Variants in PCDH9 observed in about 807,000 individuals in gnomAD.
PCDH9 encodes the protein protocadherin 9.
Under a neutral mutation model 70.6 loss-of-function variants are expected in PCDH9, and 24 were observed. The ratio of observed to expected loss-of-function variants is 0.34; its 90% CI spans 0.25 to 0.48. The LOEUF (loss-of-function observed/expected upper bound fraction) is 0.48. Among genes scored for constraint, PCDH9 ranks in the 20% least tolerant of loss-of-function variants. The pLI is 0.99. For synonymous variants in PCDH9, 562 were observed against 558.5 expected (o/e 1.01, Z -0.09); for missense variants, 1,281 against 1,503.6 (o/e 0.85, Z 2.45).
chr13:66,526,343 G>A (rs1033079812), intron 4 of PCDH9, among the ~76,000 whole-genome samples: 2 of 152,100 alleles, frequency 1.3e-5, no homozygotes, highest in African/African-American at 4.8e-5. Context: ...TAAGACTATT[G>A]AGTCTTGTGC....
intron 3 of PCDH9, among the ~76,000 whole-genome samples, chr13:66,771,273 G>A (rs1012806933): frequency 6.6e-6 from 1 of 152,056 alleles, no homozygotes; most frequent in Non-Finnish European, 1.5e-5. Flanking sequence ...ATAGTAATTG[G>A]TTTAATTAGC....
At chr13:67,170,534 C>G (rs951175117) in intron 2 of PCDH9, among the ~76,000 whole-genome samples, 1 of 151,828 alleles carries the variant, frequency 6.6e-6, no homozygotes, top group African/African-American at 2.4e-5. Context: ...CTATGAAAGA[C>G]CATCCTATAA....
chr13:66,786,308 T>A (rs2080078826), intron 3 of PCDH9, among the ~76,000 whole-genome samples: 1 of 152,202 alleles, frequency 6.6e-6, no homozygotes, highest in Non-Finnish European at 1.5e-5. Context: ...GGCATTGCCC[T>A]GATGACCACC....
At chr13:66,785,473 A>T (rs752135946) in intron 3 of PCDH9, among the ~76,000 whole-genome samples, 1 of 151,764 alleles carries the variant, frequency 6.6e-6, no homozygotes, top group Non-Finnish European at 1.5e-5. Context: ...TTTAATTTGG[A>T]TTAATAAATT....
At chr13:67,112,212 C>A (rs1354791993) in intron 2 of PCDH9, among the ~76,000 whole-genome samples, 2 of 152,168 alleles carry the variant, frequency 1.3e-5, no homozygotes, top group Non-Finnish European at 2.9e-5. Flanking sequence ...ATCATTATTT[C>A]CTTTATCTCT....
chr13:66,629,520 C>T (rs1419788983), intron 4 of PCDH9, among the ~76,000 whole-genome samples: 1 of 152,212 alleles, frequency 6.6e-6, no homozygotes, highest in East Asian at 1.9e-4. Context: ...TTCAGTGGTG[C>T]TTACACTGGT....
intron 3 of PCDH9, among the ~76,000 whole-genome samples, chr13:66,852,335 TA>T (rs2081327652): frequency 6.6e-6 from 1 of 152,136 alleles, no homozygotes; most frequent in Non-Finnish European, 1.5e-5. Context: ...AAAGACTCAT[TA>T]ATCATTTTCC....
intron 4 of PCDH9, among the ~76,000 whole-genome samples, chr13:66,523,518 C>T (rs1408616083): frequency 3.3e-5 from 5 of 151,760 alleles, no homozygotes; most frequent in African/African-American, 7.3e-5. Flanking sequence ...TTTTGCCAAA[C>T]GAAGATTCAG....
intron 4 of PCDH9, among the ~76,000 whole-genome samples, chr13:66,379,261 C>T (rs1421951925): frequency 6.6e-6 from 1 of 152,154 alleles, no homozygotes; most frequent in Non-Finnish European, 1.5e-5. Context: ...CAGCTGAGTG[C>T]AACTTACAAA....
At chr13:66,541,351 T>C (rs116240631) in intron 4 of PCDH9, among the ~76,000 whole-genome samples, 80 of 152,250 alleles carry the variant, frequency 5.3e-4, no homozygotes, top group African/African-American at 1.8e-3. Flanking sequence ...ATTATTAGTG[T>C]TGTCATACAA....
At chr13:66,468,052 T>A (rs1351483182) in intron 4 of PCDH9, among the ~76,000 whole-genome samples, 1 of 152,028 alleles carries the variant, frequency 6.6e-6, no homozygotes, top group Non-Finnish European at 1.5e-5. Flanking sequence ...GATTTGTTGA[T>A]CCAACTCCCT....
At chr13:67,147,572 A>G (rs1594576118) in intron 2 of PCDH9, among the ~76,000 whole-genome samples, 3 of 152,210 alleles carry the variant, frequency 2.0e-5, no homozygotes, top group African/African-American at 7.2e-5. Context: ...AGCCGTGTTA[A>G]TAAGCTTGAA....
rs1438292290 is a variant in PCDH9, at chr13:67,225,507, G to A, written c.2934C>T (p.Asp978=). 6 of 1,614,042 alleles carry A rather than the reference G, an allele frequency of 3.7e-6. No homozygotes were observed. The highest frequency in any genetic ancestry group is 5.1e-6 in the Non-Finnish European group (6 of 1,179,946). The change falls in exon 2 of 5, where the codon GAC becomes GAT. Residue 978 remains aspartate (D), a synonymous_variant. Coordinates refer to ENST00000377865, the MANE Select transcript of PCDH9 (RefSeq NM_203487.3). ...PLDNTFVGGC[D]TLSKRSSTSS... is the part of the protein sequence containing the mutation. ...TAGTGGAAGAGCGTTTAGAAAGGGTGTCACAACCCCCAACAAAGGTGTTGT... is the reference window on the plus strand; with the variant it reads ...TAGTGGAAGAGCGTTTAGAAAGGGTATCACAACCCCCAACAAAGGTGTTGT...
intron 4 of PCDH9, among the ~76,000 whole-genome samples, chr13:66,450,256 A>C (rs1958178299): frequency 6.6e-6 from 1 of 152,210 alleles, no homozygotes; most frequent in Admixed American, 6.5e-5. Context: ...AACATATTTA[A>C]TTTAATAGCA....
chr13:66,574,513 C>T (rs1354460233), intron 4 of PCDH9, among the ~76,000 whole-genome samples: 1 of 152,186 alleles, frequency 6.6e-6, no homozygotes, highest in Non-Finnish European at 1.5e-5. Flanking sequence ...CCTTAATCTT[C>T]TCTTGTGTCT....
chr13:66,596,768 AT>A (rs140990187), intron 4 of PCDH9, among the ~76,000 whole-genome samples: 330 of 149,774 alleles, frequency 2.2e-3, no homozygotes, highest in South Asian at 5.5e-3. Flanking sequence ...CTTACTGGAA[AT>A]TTTTTTTCAT....
At chr13:67,107,918 G>A (rs192004781) in intron 2 of PCDH9, among the ~76,000 whole-genome samples, 6 of 152,276 alleles carry the variant, frequency 3.9e-5, no homozygotes, top group Admixed American at 2.0e-4. Context: ...AAGCTTCTGG[G>A]TGCCACTGCA....
chr13:67,092,182 G>A (rs559119280), intron 2 of PCDH9, among the ~76,000 whole-genome samples: 1 of 152,158 alleles, frequency 6.6e-6, no homozygotes, highest in South Asian at 2.1e-4. Flanking sequence ...GTTGTTCTTA[G>A]ATTTTTAAAA....
chr13:66,938,607 C>G (rs949498230), intron 2 of PCDH9, among the ~76,000 whole-genome samples: 1 of 152,122 alleles, frequency 6.6e-6, no homozygotes, highest in Non-Finnish European at 1.5e-5. Context: ...TATCTTCATG[C>G]AGAAACGACT....
Sources: allele counts gnomAD v4.1 joint callset (sites outside exome capture counted in the v4.1 genomes callset), GRCh38; gene constraint gnomAD v4.1.1; transcripts MANE v1.5; gene names NCBI Gene and HGNC (gene_info 2026-07-23, HGNC 2026-07-21).